The following SCN10A variants were observed in gnomAD, a reference collection of about 807,000 sequenced individuals.
SCN10A encodes the protein sodium voltage-gated channel alpha subunit 10.
A neutral mutation model predicts 170.7 loss-of-function variants in SCN10A; 162 were observed. The ratio of observed to expected loss-of-function variants is 0.95; its 90% CI spans 0.84 to 1.08. The LOEUF is 1.08. SCN10A is among the 50% of genes least tolerant of loss of function. The pLI is 0.00. For missense variants in SCN10A, 2,527 were observed against 2,436.9 expected, an observed-to-expected ratio of 1.04 and a Z score of -0.78; for synonymous variants, 985 against 904.6, an observed-to-expected ratio of 1.09 and a Z score of -1.59.
intron 20 of SCN10A, among the ~76,000 whole-genome samples, chr3:38,719,697 T>C (rs1321387210): frequency 6.6e-6 from 1 of 152,154 alleles, no homozygotes; most frequent in African/African-American, 2.4e-5. Context: ...CCGGCCACTC[T>C]TACAAGTGAC....
At chr3:38,746,983 G>A (rs1333966576) in intron 13 of SCN10A, among the ~76,000 whole-genome samples, 6 of 152,156 alleles carry the variant, frequency 3.9e-5, no homozygotes, top group Admixed American at 2.6e-4. Context: ...CTCTTAAAGA[G>A]GTGGCCTTTA....
At chr3:38,776,060 GGA>G (rs2064070084) in intron 4 of SCN10A, among the ~76,000 whole-genome samples, 1 of 152,052 alleles carries the variant, frequency 6.6e-6, no homozygotes, top group Non-Finnish European at 1.5e-5. Context: ...AAAATAATAT[GGA>G]AGTTTTGATA....
At chr3:38,716,636 A>G (rs1398459675) in intron 21 of SCN10A, among the ~76,000 whole-genome samples, 1 of 152,186 alleles carries the variant, frequency 6.6e-6, no homozygotes, top group Non-Finnish European at 1.5e-5. Flanking sequence ...ATTTTTTAAA[A>G]TTTTAAAAGA....
chr3:38,742,953 C>G (rs977465683), intron 13 of SCN10A, among the ~76,000 whole-genome samples: 10 of 152,322 alleles, frequency 6.6e-5, no homozygotes, highest in African/African-American at 2.2e-4. Flanking sequence ...TTGCACCCAA[C>G]CAGCTGGACC....
At chr3:38,709,373 T>C (rs75012427) in intron 25 of SCN10A, 105 bp downstream of exon 25, 27,430 of 1,146,456 alleles carry the variant, frequency 0.024, 422 homozygotes, top group Non-Finnish European at 0.028. Context: ...AGTGATGGGC[T>C]GTGAGTAGTG....
intron 4 of SCN10A, among the ~76,000 whole-genome samples, chr3:38,772,171 C>G (rs2064008423): frequency 6.6e-6 from 1 of 152,054 alleles, no homozygotes; most frequent in Non-Finnish European, 1.5e-5. Flanking sequence ...ACTCCCCTCC[C>G]TATTCACTTC....
chr3:38,727,596 A>G (rs2063471656), intron 16 of SCN10A, among the ~76,000 whole-genome samples: 1 of 152,190 alleles, frequency 6.6e-6, no homozygotes, highest in African/African-American at 2.4e-5. Context: ...GGATGCAGGC[A>G]GAGGCATCCC....
chr3:38,802,531 T>C (rs1217639812), intron 1 of SCN10A, among the ~76,000 whole-genome samples: 1 of 152,104 alleles, frequency 6.6e-6, no homozygotes, highest in Non-Finnish European at 1.5e-5. Context: ...TTAAAACTTT[T>C]TAATTACCCA....
chr3:38,707,436 C>G (rs952203161), intron 25 of SCN10A, 53 bp from the exon 26 acceptor site: 4 of 1,574,496 alleles, frequency 2.5e-6, no homozygotes, highest in Non-Finnish European at 3.5e-6. Flanking sequence ...CTACGGATAC[C>G]AAAATCAGAA....
chr3:38,712,202 A>T lies in SCN10A; in HGVS notation c.4048T>A (p.Phe1350Ile). 1 of 1,614,224 alleles carries T rather than the reference A, an allele frequency of 6.2e-7. No individual in the cohort carries two copies. The highest frequency in any genetic ancestry group is 8.5e-7 in the Non-Finnish European group (1 of 1,180,032). ...SFFWVNVKVN[F>I]DNVAMGYLAL... ...AGGTAACCCATTGCAACATTATCAA[A>T]GTTGACTTTCACATTGACCCAGAAG... The change falls in exon 23 of 28, where the codon TTT becomes ATT. Residue 1350 changes from phenylalanine (F) to isoleucine (I), a missense_variant. Phe to Ile is a conservative substitution (Grantham distance 21, BLOSUM62 0). Coordinates refer to ENST00000449082, the MANE Select transcript of SCN10A (RefSeq NM_006514.4).
chr3:38,710,256 T>C (rs1336281241), intron 24 of SCN10A, among the ~76,000 whole-genome samples: 1 of 151,830 alleles, frequency 6.6e-6, no homozygotes, highest in Non-Finnish European at 1.5e-5. Flanking sequence ...GCCTCCCGGG[T>C]TCAAGAGATT....
At chr3:38,758,076 G>T (rs2126029582) in intron 8 of SCN10A, among the ~76,000 whole-genome samples, 1 of 152,136 alleles carries the variant, frequency 6.6e-6, no homozygotes, top group African/African-American at 2.4e-5. Flanking sequence ...TGAATACATG[G>T]AATTCTTTTA....
chr3:38,754,048 G>A (rs1046708486), intron 11 of SCN10A, among the ~76,000 whole-genome samples: 3 of 152,158 alleles, frequency 2.0e-5, no homozygotes, highest in African/African-American at 2.4e-5. Context: ...CTTCCTGAGT[G>A]GGCTCCAATA....
intron 27 of SCN10A, among the ~76,000 whole-genome samples, chr3:38,701,489 A>G (rs1233941577): frequency 1.3e-5 from 2 of 152,178 alleles, no homozygotes; most frequent in East Asian, 3.9e-4. Flanking sequence ...TTTCAAGACC[A>G]TAAAAGTAAG....
At chr3:38,813,786 G>A (rs1003281658) in intron 1 of SCN10A, among the ~76,000 whole-genome samples, 2 of 152,180 alleles carry the variant, frequency 1.3e-5, no homozygotes, top group Non-Finnish European at 2.9e-5. Context: ...GACATTCTAA[G>A]GACAAATATT....
At chr3:38,703,729 G>A (rs1010514307) in intron 26 of SCN10A, among the ~76,000 whole-genome samples, 3 of 152,196 alleles carry the variant, frequency 2.0e-5, no homozygotes, top group East Asian at 1.9e-4. Context: ...TCGAGGCTCA[G>A]TCTTGAGCAT....
At chr3:38,737,842 T>TTTC (rs2063586685) in intron 15 of SCN10A, among the ~76,000 whole-genome samples, 1 of 145,678 alleles carries the variant, frequency 6.9e-6, no homozygotes, top group Non-Finnish European at 1.5e-5. Context: ...CTCTTTCTTC[T>TTTC]TTCTTTCTTT....
At chr3:38,800,639 C>A (rs944433915) in intron 1 of SCN10A, among the ~76,000 whole-genome samples, 2 of 150,976 alleles carry the variant, frequency 1.3e-5, no homozygotes, top group African/African-American at 4.8e-5. Flanking sequence ...GAAACTCTGA[C>A]TCCCCAGAGG....
rs868366007 is a variant in SCN10A, at chr3:38,755,968, G to A, written c.1291-10C>T. 1 of 1,614,154 alleles carries A rather than the reference G, an allele frequency of 6.2e-7. No homozygotes were observed. Among genetic ancestry groups the A allele is most frequent in the East Asian group, 2.2e-5 (1 of 44,890 alleles). ...CTAGTGCTGCTAGCACCTGCGAAGA[G>A]AGAACAGCAGGTGTAGCCAATAGTA... On this transcript the variant is annotated splice_polypyrimidine_tract_variant and intron_variant, in intron 10 of 27. Coordinates refer to ENST00000449082, the MANE Select transcript of SCN10A (RefSeq NM_006514.4).
Sources: gnomAD v4.1 joint callset for allele counts (sites outside exome capture counted in the v4.1 genomes callset) on GRCh38, gnomAD v4.1.1 for gene constraint, MANE v1.5 for transcripts, NCBI Gene and HGNC (gene_info 2026-07-23, HGNC 2026-07-21) for gene names.